The following ATP8A2 variants were observed in gnomAD, a reference collection of about 807,000 sequenced individuals.
ATP8A2 encodes the protein phospholipid-transporting ATPase IB.
Under a neutral mutation model 165.6 loss-of-function variants are expected in ATP8A2, and 100 were observed. That is an observed-to-expected ratio of 0.60 (90% CI 0.51 to 0.71). The LOEUF is 0.71. Ranked by LOEUF, ATP8A2 falls within the 30% of genes least tolerant of loss-of-function variation. The pLI is 0.00. For missense variants in ATP8A2, 1,227 were observed against 1,479.5 expected (o/e 0.83, Z 2.80); for synonymous variants, 543 against 548.8 (o/e 0.99, Z 0.15).
chr13:25,567,346 T>C (rs2039345116), intron 16 of ATP8A2: 1 of 456,734 alleles, frequency 2.2e-6, no homozygotes, highest in Non-Finnish European at 4.4e-6. Flanking sequence ...GACTCCTCCT[T>C]GGTGGCCATG....
rs969389075 is a variant in ATP8A2 at position 25,568,444 on chromosome 13, C to T, written c.1474-2323C>T. ...TCATTTTCTGCTATTTTAAATTCAC[C>T]GAATAAGTAGAAAATATTCATTTCT... is the stretch of plus-strand genomic sequence containing the variant. On this transcript the variant is annotated intron_variant, in intron 16 of 36. Coordinates refer to ENST00000381655, the MANE Select transcript of ATP8A2 (RefSeq NM_016529.6). Among the ~76,000 whole-genome samples, 5 of 152,086 alleles carry T rather than the reference C, an allele frequency of 3.3e-5. No individual in the cohort carries two copies. In the East Asian group the frequency reaches 7.7e-4, roughly 23 times the overall value.
chr13:25,470,764 C>T (rs9319227), intron 2 of ATP8A2, among the ~76,000 whole-genome samples: 1 of 152,124 alleles, frequency 6.6e-6, no homozygotes, highest in South Asian at 2.1e-4. Flanking sequence ...CCATACAGTG[C>T]AATATTATTG....
intron 24 of ATP8A2, among the ~76,000 whole-genome samples, chr13:25,615,212 G>A (rs1023043988): frequency 3.3e-5 from 5 of 152,098 alleles, no homozygotes; most frequent in African/African-American, 1.2e-4. Context: ...GGCTTGCTTC[G>A]GCTGCTGTGG....
At chr13:25,398,045 T>C (rs1265573811) in intron 1 of ATP8A2, among the ~76,000 whole-genome samples, 1 of 152,136 alleles carries the variant, frequency 6.6e-6, no homozygotes, top group African/African-American at 2.4e-5. Context: ...GGTAAATGTC[T>C]CTTATCAGAA....
chr13:25,809,171 A>G (rs918600116), intron 27 of ATP8A2, among the ~76,000 whole-genome samples: 1 of 152,152 alleles, frequency 6.6e-6, no homozygotes, highest in South Asian at 2.1e-4. Flanking sequence ...CAACAGACAC[A>G]GGGGCCTCTG....
At chr13:25,554,004 G>T in intron 12 of ATP8A2, 84 bp downstream of exon 12, 3 of 1,408,856 alleles carry the variant, frequency 2.1e-6, no homozygotes, top group South Asian at 1.3e-5. Context: ...CAAAAAAGAA[G>T]AACTATATTC....
intron 23 of ATP8A2, among the ~76,000 whole-genome samples, chr13:25,588,831 C>A (rs1223882493): frequency 6.6e-6 from 1 of 152,136 alleles, no homozygotes; most frequent in Non-Finnish European, 1.5e-5. Context: ...AGTGCCCTGG[C>A]GGACACCTCT....
intron 24 of ATP8A2, among the ~76,000 whole-genome samples, chr13:25,618,040 A>G (rs1400336758): frequency 1.3e-5 from 2 of 152,198 alleles, no homozygotes; most frequent in African/African-American, 4.8e-5. Flanking sequence ...ATGGATGTTT[A>G]GGTGGCAATT....
chr13:25,710,121 T>C (rs769296972), intron 25 of ATP8A2, among the ~76,000 whole-genome samples: 1 of 152,142 alleles, frequency 6.6e-6, no homozygotes, highest in Non-Finnish European at 1.5e-5. Flanking sequence ...TTTTTTTTAA[T>C]TTTTAATTTT....
chr13:25,674,265 T>TCCC (rs111355454), intron 24 of ATP8A2, among the ~76,000 whole-genome samples: 69 of 151,296 alleles, frequency 4.6e-4, no homozygotes, highest in African/African-American at 1.4e-3. Flanking sequence ...TCCAGATGTG[T>TCCC]CCCCCCCCGA....
intron 27 of ATP8A2, among the ~76,000 whole-genome samples, chr13:25,787,208 G>T (rs1234484141): frequency 6.6e-6 from 1 of 152,230 alleles, no homozygotes; most frequent in Non-Finnish European, 1.5e-5. Context: ...CTCCTCTGTA[G>T]TTAACCCCTG....
chr13:25,460,152 G>C (rs2035468097), intron 1 of ATP8A2, among the ~76,000 whole-genome samples: 1 of 152,188 alleles, frequency 6.6e-6, no homozygotes, highest in South Asian at 2.1e-4. Flanking sequence ...AGTGAGCCGA[G>C]ATTGCGCCAT....
intron 33 of ATP8A2, among the ~76,000 whole-genome samples, chr13:25,908,391 T>C (rs748797737): frequency 1.8e-4 from 28 of 152,252 alleles, no homozygotes; most frequent in Non-Finnish European, 3.1e-4. Context: ...ATTTCCTAAT[T>C]AGTCAGTTAG....
chr13:25,642,404 GA>G (rs983651272), intron 24 of ATP8A2, among the ~76,000 whole-genome samples: 44 of 152,014 alleles, frequency 2.9e-4, no homozygotes, highest in African/African-American at 9.4e-4. Flanking sequence ...AAATTTACAA[GA>G]AAAAAACAAC....
At chr13:25,719,426 G>C (rs930170010) in intron 25 of ATP8A2, among the ~76,000 whole-genome samples, 1 of 152,028 alleles carries the variant, frequency 6.6e-6, no homozygotes, top group African/African-American at 2.4e-5. Flanking sequence ...AAATTGAAAG[G>C]TTGGGTGGGT....
rs1160670620 is a variant in ATP8A2, at chr13:25,619,879, C to T, written c.2211+30180C>T. Among the ~76,000 whole-genome samples the T allele has an allele frequency of 3.9e-5, 6 of 152,074 alleles. No homozygotes were observed. In the East Asian group the frequency reaches 1.2e-3, roughly 29 times the overall value. ...GACCTTTAAAAATGTGAAAACCGTTCTTAGATTACAGGCTATGGGATATAT... is the reference window on the plus strand; with the variant it reads ...GACCTTTAAAAATGTGAAAACCGTTTTTAGATTACAGGCTATGGGATATAT... On this transcript the variant is annotated intron_variant, in intron 24 of 36. Transcript: ENST00000381655.
At chr13:25,985,748 A>ATTGACCGAAGTTACTG (rs1243224207) in intron 35 of ATP8A2, among the ~76,000 whole-genome samples, 4 of 152,198 alleles carry the variant, frequency 2.6e-5, no homozygotes. Flanking sequence ...TTGACAACCA[A>ATTGACCGAAGTTACTG]TTGACCGAAG....
intron 27 of ATP8A2, 95 bp downstream of exon 27, chr13:25,775,054 G>T: frequency 2.8e-6 from 2 of 718,334 alleles, no homozygotes; most frequent in South Asian, 3.8e-5. Context: ...TTTTGTTCAT[G>T]TAAAATTAAA....
At chr13:25,547,062 A>AGAG (rs2138028458) in intron 10 of ATP8A2, among the ~76,000 whole-genome samples, 1 of 152,202 alleles carries the variant, frequency 6.6e-6, no homozygotes, top group African/African-American at 2.4e-5. Context: ...CCCAGGAGGC[A>AGAG]GAGGTTGCAG....
Sources: allele counts gnomAD v4.1 joint callset (sites outside exome capture counted in the v4.1 genomes callset), GRCh38; gene constraint gnomAD v4.1.1; transcripts MANE v1.5; gene names NCBI Gene and HGNC (gene_info 2026-07-23, HGNC 2026-07-21).